DRAM1: variants seen among roughly 807,000 people sequenced by gnomAD.
DRAM1 encodes the protein DNA damage regulated autophagy modulator 1.
Under a neutral mutation model 28.5 loss-of-function variants are expected in DRAM1, and 25 were observed. That is an observed-to-expected ratio of 0.88 (90% CI 0.64 to 1.23). The LOEUF (loss-of-function observed/expected upper bound fraction) is 1.23. DRAM1 is among the 50% of genes most tolerant of loss of function. DRAM1 has a pLI of 0.00. For missense variants in DRAM1, 249 were observed against 299.2 expected (o/e 0.83, Z 1.24); for synonymous variants, 113 against 114.2 (o/e 0.99, Z 0.07).
chr12:101,910,973 C>T (rs1415960514), intron 4 of DRAM1, among the ~76,000 whole-genome samples: 7 of 152,206 alleles, frequency 4.6e-5, no homozygotes, highest in African/African-American at 1.2e-4. Context: ...CGGTGACTCA[C>T]ACCTGTAATC....
intron 1 of DRAM1, among the ~76,000 whole-genome samples, chr12:101,882,687 C>A (rs527881961): frequency 6.6e-6 from 1 of 151,132 alleles, no homozygotes; most frequent in Non-Finnish European, 1.5e-5. Context: ...ATGTTTGATA[C>A]TAGTACTGGT....
At position 101,912,469 on chromosome 12, in the gene DRAM1, T is replaced by C. The variant is rs777369519; in HGVS notation, c.521-1705T>C. Among the ~76,000 whole-genome samples the C allele has an allele frequency of 4.9e-4, 74 of 152,270 alleles. 1 individual carries two copies. Among genetic ancestry groups the C allele is most frequent in the Non-Finnish European group, 8.7e-4 (59 of 68,022 alleles). On this transcript the variant is annotated intron_variant, in intron 4 of 6. Transcript: ENST00000258534. ...CTGAGAGCTGAGACCAAGTTTTCCC[T>C]TCTCCCACCCCCAGACCAGAATGGT...
At chr12:101,888,766 G>A (rs1318778215) in intron 1 of DRAM1, among the ~76,000 whole-genome samples, 2 of 146,524 alleles carry the variant, frequency 1.4e-5, no homozygotes, top group African/African-American at 5.0e-5. Flanking sequence ...ATGCAGGGCT[G>A]ATGACTTTCA....
intron 1 of DRAM1, among the ~76,000 whole-genome samples, chr12:101,889,677 C>T (rs139843243): frequency 0.018 from 2,751 of 152,230 alleles, 77 homozygotes; most frequent in African/African-American, 0.062. Flanking sequence ...TGGTGGCTTA[C>T]GCCTGTAATC....
chr12:101,919,795 C>G (rs762251129), intron 5 of DRAM1, among the ~76,000 whole-genome samples: 1 of 152,206 alleles, frequency 6.6e-6, no homozygotes, highest in Non-Finnish European at 1.5e-5. Context: ...TTTCTTTCTT[C>G]TGTTGAGTCC....
intron 1 of DRAM1, among the ~76,000 whole-genome samples, chr12:101,896,383 T>A (rs1594299225): frequency 1.3e-5 from 2 of 152,210 alleles, no homozygotes; most frequent in East Asian, 3.8e-4. Context: ...TGAGTTCAAG[T>A]TGTTTCATGT....
chr12:101,883,422 C>T (rs1466195133), intron 1 of DRAM1, among the ~76,000 whole-genome samples: 2 of 149,936 alleles, frequency 1.3e-5, no homozygotes, highest in Non-Finnish European at 3.0e-5. Flanking sequence ...TCAAGCGATT[C>T]TCCTGCCTCA....
chr12:101,907,092 C>T (rs1873844257), intron 3 of DRAM1, among the ~76,000 whole-genome samples: 1 of 149,780 alleles, frequency 6.7e-6, no homozygotes, highest in Non-Finnish European at 1.5e-5. Flanking sequence ...GTAGTCCCAG[C>T]TACTTGCTGG....
intron 4 of DRAM1, among the ~76,000 whole-genome samples, chr12:101,913,480 C>A (rs571729159): frequency 6.6e-6 from 1 of 151,828 alleles, no homozygotes; most frequent in Non-Finnish European, 1.5e-5. Flanking sequence ...CCGAGGTGGG[C>A]AGATCACCTG....
At chr12:101,910,963 C>T (rs1188136870) in intron 4 of DRAM1, among the ~76,000 whole-genome samples, 6 of 152,000 alleles carry the variant, frequency 3.9e-5, no homozygotes, top group African/African-American at 7.2e-5. Context: ...AGGCTAGGTG[C>T]GGTGACTCAC....
chr12:101,889,894 C>A (rs1400605484), intron 1 of DRAM1, among the ~76,000 whole-genome samples: 31 of 137,396 alleles, frequency 2.3e-4, no homozygotes, highest in African/African-American at 8.2e-4. Context: ...GAGCCGAGAT[C>A]GTGCCACTAC....
intron 4 of DRAM1, among the ~76,000 whole-genome samples, chr12:101,909,414 T>A (rs1048446670): frequency 1.3e-5 from 2 of 152,198 alleles, no homozygotes; most frequent in East Asian, 1.9e-4. Flanking sequence ...GCCAGTTTCA[T>A]GAGCCATATG....
intron 2 of DRAM1, among the ~76,000 whole-genome samples, chr12:101,898,212 G>T (rs1178588599): frequency 1.3e-5 from 2 of 151,878 alleles, no homozygotes; most frequent in African/African-American, 4.8e-5. Flanking sequence ...TTGTAGAGAT[G>T]GGGTTTCACC....
rs138324950 is a variant in DRAM1 at position 101,922,755 on chromosome 12, C to G, written c.*1495C>G. 47 of 152,296 alleles carry G rather than the reference C, an allele frequency of 3.1e-4. No individual in the cohort carries two copies. The highest frequency in any genetic ancestry group is 1.0e-3 in the African/African-American group (43 of 41,558). The allele number at this position is 152,296 out of a possible 1,614,324, so 9.4% of individuals were successfully genotyped here. On this transcript the variant is annotated 3_prime_UTR_variant, in exon 7 of 7. Transcript: ENST00000258534. ...TTTAAGACGCATCATAAATGGTTTT[C>G]TTTAAGTGAATGGAAGAGTTTGACA...
At chr12:101,890,051 A>C (rs1388167874) in intron 1 of DRAM1, 1 of 453,404 alleles carries the variant, frequency 2.2e-6, no homozygotes, top group Non-Finnish European at 4.4e-6. Context: ...GTTCATTTCT[A>C]ATTTTTTCTT....
At chr12:101,919,251 C>A (rs1874376997) in intron 5 of DRAM1, among the ~76,000 whole-genome samples, 1 of 151,726 alleles carries the variant, frequency 6.6e-6, no homozygotes, top group African/African-American at 2.4e-5. Context: ...ATATCACACA[C>A]AGACACATCC....
At position 101,922,945 on chromosome 12, in the gene DRAM1, C is replaced by G. The variant is rs1874539207; in HGVS notation, c.*1685C>G. The G allele has an allele frequency of 6.6e-6, 1 of 151,936 alleles. No individual in the cohort carries two copies. Among genetic ancestry groups the G allele is most frequent in the Non-Finnish European group, 1.5e-5 (1 of 68,006 alleles). 9.4% of individuals were successfully genotyped at this position (151,936 alleles called of 1,614,324 possible). ...AAATCCCATCTCTACAACAAAAATA[C>G]AAAAATTAGCCAAGTGCGGTGGTGT... On this transcript the variant is annotated 3_prime_UTR_variant, in exon 7 of 7. Coordinates refer to ENST00000258534, the MANE Select transcript of DRAM1 (RefSeq NM_018370.3).
chr12:101,899,335 T>C (rs1313926453), intron 2 of DRAM1, among the ~76,000 whole-genome samples: 1 of 152,176 alleles, frequency 6.6e-6, no homozygotes. Flanking sequence ...CGGCTTTTGC[T>C]TCTGAATAAA....
rs1466781326 is a variant in DRAM1, at chr12:101,922,045, G to GAT, written c.*791_*792dup. The GAT allele has an allele frequency of 1.3e-5, 2 of 152,184 alleles. No homozygotes were observed. The highest frequency in any genetic ancestry group is 4.8e-5 in the African/African-American group (2 of 41,434). The allele number at this position is 152,184 out of a possible 1,614,324, so 9.4% of individuals were successfully genotyped here. ...TCCTTTATTGTTGCTGGCACAACTT[G>GAT]ATATATAGTCTGACTCAGAACTGAA... On this transcript the variant is annotated 3_prime_UTR_variant, in exon 7 of 7. Coordinates refer to ENST00000258534, the MANE Select transcript of DRAM1 (RefSeq NM_018370.3).
Sources: allele counts gnomAD v4.1 joint callset (sites outside exome capture counted in the v4.1 genomes callset), GRCh38; gene constraint gnomAD v4.1.1; transcripts MANE v1.5; gene names NCBI Gene and HGNC (gene_info 2026-07-23, HGNC 2026-07-21).